The following CDH8 variants were observed in gnomAD, a reference collection of about 807,000 sequenced individuals.
The protein encoded by CDH8 is cadherin 8.
A neutral mutation model predicts 68.1 loss-of-function variants in CDH8; 17 were observed. The ratio of observed to expected loss-of-function variants is 0.25; its 90% CI spans 0.17 to 0.37. CDH8 has a LOEUF of 0.37. CDH8 is among the 10% of genes least tolerant of loss of function. The pLI, the probability that CDH8 is intolerant of heterozygous loss-of-function variation, is 1.00. For synonymous variants in CDH8, 372 were observed against 365.1 expected, an observed-to-expected ratio of 1.02 and a Z score of -0.21; for missense variants, 763 against 999.3, an observed-to-expected ratio of 0.76 and a Z score of 3.19.
At chr16:61,974,827 T>G (rs1005478899) in intron 2 of CDH8, among the ~76,000 whole-genome samples, 1 of 152,132 alleles carries the variant, frequency 6.6e-6, no homozygotes, top group African/African-American at 2.4e-5. Flanking sequence ...CTTGGGCAGA[T>G]GGCAAAGTGC....
intron 3 of CDH8, among the ~76,000 whole-genome samples, chr16:61,887,036 A>G (rs920057197): frequency 1.1e-4 from 16 of 152,206 alleles, no homozygotes; most frequent in Admixed American, 1.0e-3. Context: ...TGACTACACA[A>G]TATTCATTCC....
At chr16:61,899,300 T>G (rs747430825) in intron 3 of CDH8, among the ~76,000 whole-genome samples, 4 of 152,174 alleles carry the variant, frequency 2.6e-5, no homozygotes, top group Non-Finnish European at 5.9e-5. Flanking sequence ...CATAGTTTGA[T>G]TTTTAATGTG....
At chr16:62,034,374 T>C (rs190206073) in intron 1 of CDH8, among the ~76,000 whole-genome samples, 1 of 152,244 alleles carries the variant, frequency 6.6e-6, no homozygotes. Flanking sequence ...CACTTTCGAA[T>C]CTTACATAAA....
intron 8 of CDH8, among the ~76,000 whole-genome samples, chr16:61,756,629 C>A (rs1960326995): frequency 6.6e-6 from 1 of 151,998 alleles, no homozygotes; most frequent in African/African-American, 2.4e-5. Flanking sequence ...GTGTGCTATC[C>A]CAGCAAATTA....
intron 5 of CDH8, among the ~76,000 whole-genome samples, chr16:61,821,562 T>C (rs1962215778): frequency 6.6e-6 from 1 of 152,060 alleles, no homozygotes; most frequent in African/African-American, 2.4e-5. Flanking sequence ...CTTTTGAACT[T>C]ACCTTTATAT....
intron 2 of CDH8, among the ~76,000 whole-genome samples, chr16:62,007,001 A>AG (rs1457231704): frequency 6.6e-6 from 1 of 151,390 alleles, no homozygotes; most frequent in Non-Finnish European, 1.5e-5. Context: ...TCCACCTCCC[A>AG]GGTTCAAGTG....
At chr16:61,681,752 G>A (rs1321538266) in intron 10 of CDH8, among the ~76,000 whole-genome samples, 3 of 151,856 alleles carry the variant, frequency 2.0e-5, no homozygotes. Context: ...CATTCACATA[G>A]GAAAGCAGCA....
intron 7 of CDH8, among the ~76,000 whole-genome samples, chr16:61,794,944 C>T (rs1198317302): frequency 6.6e-6 from 1 of 151,728 alleles, no homozygotes; most frequent in East Asian, 1.9e-4. Flanking sequence ...TCCTAATCAC[C>T]CTCCTCCCCA....
chr16:61,702,511 TTGC>T (rs1345696895), intron 10 of CDH8, among the ~76,000 whole-genome samples: 3 of 152,240 alleles, frequency 2.0e-5, no homozygotes, highest in Non-Finnish European at 2.9e-5. Context: ...TGATATATAG[TTGC>T]TGCTCATGAA....
At chr16:61,703,090 G>T (rs1964462922) in intron 10 of CDH8, among the ~76,000 whole-genome samples, 1 of 152,056 alleles carries the variant, frequency 6.6e-6, no homozygotes, top group Non-Finnish European at 1.5e-5. Flanking sequence ...TAAAATCATA[G>T]ATATGTAAAC....
Position 61,955,822 on chromosome 16 carries a change from T to G in CDH8, c.253-54349A>C, listed in dbSNP as rs574191103. 7.9e-5 allele frequency among the ~76,000 whole-genome samples: 12 copies of G among 152,280 alleles called. No homozygotes were observed. In the South Asian group the frequency reaches 2.5e-3, roughly 32 times the overall value. On this transcript the variant is annotated intron_variant, in intron 2 of 11. Coordinates refer to ENST00000577390, the MANE Select transcript of CDH8 (RefSeq NM_001796.5). ...TTCTGGAAAATTCAAAACTATTGGG[T>G]TCTCTCCATGGCAAATGTTTAACTG...
At chr16:61,952,965 T>C (rs1049794988) in intron 2 of CDH8, among the ~76,000 whole-genome samples, 2 of 152,162 alleles carry the variant, frequency 1.3e-5, no homozygotes, top group Admixed American at 6.5e-5. Flanking sequence ...AATATTCCTA[T>C]GTTGAAATTT....
Position 62,021,267 on chromosome 16 carries a change from A to C in CDH8, c.137T>G (p.Leu46Arg). The change falls in exon 2 of 12, where the codon CTA becomes CGA. Residue 46 changes from leucine to arginine, a missense_variant. Coordinates refer to ENST00000577390, the MANE Select transcript of CDH8 (RefSeq NM_001796.5). ...QVLMSGSPLE[L>R]NSLGEEQRIL... ...TCGCTGTTCTTCACCCAGACTGTTTAGTTCCAAAGGGGATCCACTCATTAA... is the reference window on the plus strand; with the variant it reads ...TCGCTGTTCTTCACCCAGACTGTTTCGTTCCAAAGGGGATCCACTCATTAA... The C allele has an allele frequency of 6.2e-7, 1 of 1,614,032 alleles. No individual in the cohort carries two copies. Among genetic ancestry groups the C allele is most frequent in the Non-Finnish European group, 8.5e-7 (1 of 1,179,938 alleles).
chr16:61,743,448 G>C (rs146450919), intron 8 of CDH8: 39 of 154,626 alleles, frequency 2.5e-4, no homozygotes, highest in African/African-American at 9.4e-4. Flanking sequence ...TGGGGTGACA[G>C]GCGTCACAGC....
At position 61,891,737 on chromosome 16, in the gene CDH8, G is replaced by C. The variant is rs1440576154; in HGVS notation, c.547+9442C>G. 2.0e-5 allele frequency among the ~76,000 whole-genome samples: 3 copies of C among 152,214 alleles called. No individual in the cohort carries two copies. The East Asian group carries it at 5.8e-4, about 29-fold the overall frequency. On this transcript the variant is annotated intron_variant, in intron 3 of 11. Coordinates refer to ENST00000577390, the MANE Select transcript of CDH8 (RefSeq NM_001796.5). ...CAGGTAGAACAGCTAGATTTCTTTT[G>C]AAAGTGTTTATTTCAATCCTCATGA...
intron 4 of CDH8, among the ~76,000 whole-genome samples, chr16:61,843,840 G>A (rs1962740082): frequency 6.6e-6 from 1 of 152,088 alleles, no homozygotes; most frequent in Non-Finnish European, 1.5e-5. Context: ...GTAGTTTACA[G>A]TCCCACCAAC....
At chr16:61,792,557 C>G (rs1008190871) in intron 7 of CDH8, among the ~76,000 whole-genome samples, 1 of 152,038 alleles carries the variant, frequency 6.6e-6, no homozygotes, top group East Asian at 1.9e-4. Context: ...TTTTCCTTCT[C>G]CCACCCTTCT....
At chr16:61,746,594 CAT>C (rs1555507214) in intron 8 of CDH8, among the ~76,000 whole-genome samples, 1 of 144,688 alleles carries the variant, frequency 6.9e-6, no homozygotes, top group Non-Finnish European at 1.5e-5. Flanking sequence ...CACACACACA[CAT>C]TATGATGTAA....
At chr16:61,851,005 C>T (rs1962926816) in intron 4 of CDH8, among the ~76,000 whole-genome samples, 1 of 152,100 alleles carries the variant, frequency 6.6e-6, no homozygotes, top group Non-Finnish European at 1.5e-5. Flanking sequence ...CATTGTTCAT[C>T]TGCCTGAGTT....
Sources: gnomAD v4.1 joint callset for allele counts (sites outside exome capture counted in the v4.1 genomes callset) on GRCh38, gnomAD v4.1.1 for gene constraint, MANE v1.5 for transcripts, NCBI Gene and HGNC (gene_info 2026-07-23, HGNC 2026-07-21) for gene names.